Variants in TAF5 observed in about 807,000 individuals in gnomAD.
TAF5 encodes the protein TATA-box binding protein associated factor 5.
In TAF5, 20 loss-of-function variants were observed where a neutral mutation model predicts 80.9. The ratio of observed to expected loss-of-function variants is 0.25; its 90% CI spans 0.17 to 0.36. The LOEUF (loss-of-function observed/expected upper bound fraction) is 0.36. Ranked by LOEUF, TAF5 falls within the 10% of genes least tolerant of loss-of-function variation. The pLI is 1.00. For missense variants in TAF5, 863 were observed against 1,029.4 expected (o/e 0.84, Z 2.21); for synonymous variants, 388 against 406.4 (o/e 0.95, Z 0.55).
In TAF5 at chr10:103,368,512, T is replaced by G. The variant is rs1479132098; in HGVS notation, c.523T>G (p.Ser175Ala). ...GTGASGATVV[S>A]GSASGPAAPG... ...TGGCGCTTCGGGGGCCACGGTCGTCTCAGGTTCAGCCTCAGGTCCTGCGGC... is the reference window on the plus strand; with the variant it reads ...TGGCGCTTCGGGGGCCACGGTCGTCGCAGGTTCAGCCTCAGGTCCTGCGGC... Residue 175 changes from serine to alanine, a missense_variant, in exon 1 of 11, where the codon TCA becomes GCA. Coordinates refer to ENST00000369839, the MANE Select transcript of TAF5 (RefSeq NM_006951.5). 4 of 1,564,836 alleles carry G rather than the reference T, an allele frequency of 2.6e-6. No individual in the cohort carries two copies. The highest frequency in any genetic ancestry group is 3.4e-6 in the Non-Finnish European group (4 of 1,164,922).
chr10:103,373,583 C>A lies in TAF5; in HGVS notation c.785C>A (p.Ser262Ter). The part of the protein sequence containing the change: ...VYNQHENEAK[S>*]FFEKFHGDQE... Reference sequence around the variant, plus strand: ...AATCAACATGAGAATGAAGCAAAGTCATTCTTTGAGAAGTATGTAAATTTT... The same window carrying A: ...AATCAACATGAGAATGAAGCAAAGTAATTCTTTGAGAAGTATGTAAATTTT... The change falls in exon 2 of 11, where the codon TCA becomes TAA. Residue 262 changes from serine (S) to a stop codon, truncating the protein, a stop_gained. Transcript: ENST00000369839. LOFTEE classifies it high-confidence loss of function. 1.9e-6 allele frequency: 3 copies of A among 1,612,926 alleles called. No individual in the cohort carries two copies. The South Asian group carries it at 3.3e-5, about 18-fold the overall frequency.
chr10:103,378,132 T>C lies in TAF5; in HGVS notation c.798-103T>C. 1.1e-6 allele frequency: 1 copy of C among 946,432 alleles called. No homozygotes were observed. Among genetic ancestry groups the C allele is most frequent in the Non-Finnish European group, 1.6e-6 (1 of 632,456 alleles). The allele number at this position is 946,432 out of a possible 1,614,324, so 58.6% of individuals were successfully genotyped here. A position where few individuals can be genotyped will look rare whatever the true frequency, so the allele number is the denominator to read the frequency against. Reference sequence around the variant, plus strand: ...CAGCTTAGTTCAGGATTATTTAGACTACTACATTGAAAATATTCTGGGATG... The same window carrying C: ...CAGCTTAGTTCAGGATTATTTAGACCACTACATTGAAAATATTCTGGGATG... On this transcript the variant is annotated intron_variant, in intron 2 of 10. Coordinates refer to ENST00000369839, the MANE Select transcript of TAF5 (RefSeq NM_006951.5). The surrounding 1 kb of genome is among the most constrained non-coding windows in gnomAD (Gnocchi z 4.1).
At chr10:103,376,510 G>A (rs2093370381) in intron 2 of TAF5, among the ~76,000 whole-genome samples, 1 of 151,386 alleles carries the variant, frequency 6.6e-6, no homozygotes, top group South Asian at 2.1e-4. Context: ...TGCCATTATA[G>A]TAAATTCATT....
At chr10:103,381,141 GTT>G (rs2093381913) in intron 5 of TAF5, among the ~76,000 whole-genome samples, 1 of 151,396 alleles carries the variant, frequency 6.6e-6, no homozygotes, top group Non-Finnish European at 1.5e-5. Flanking sequence ...TAGAGAAGGG[GTT>G]TCACCAGGTT....
chr10:103,378,669 T>C lies in TAF5; in HGVS notation c.1113+119T>C, dbSNP rs545963788. 151 of 1,223,660 alleles carry C rather than the reference T, an allele frequency of 1.2e-4. 1 individual carries two copies. The African/African-American group carries it at 2.0e-3, about 16-fold the overall frequency. 75.8% of individuals were successfully genotyped at this position (1,223,660 alleles called of 1,614,324 possible). A position where few individuals can be genotyped will look rare whatever the true frequency, so the allele number is the denominator to read the frequency against. ...TTGGAAACAATTTTTTTCGTTTGTTTGTTTTGAGACGGAGTTTTGCTCTTG... is the reference window on the plus strand; with the variant it reads ...TTGGAAACAATTTTTTTCGTTTGTTCGTTTTGAGACGGAGTTTTGCTCTTG... On this transcript the variant is annotated intron_variant, in intron 3 of 10. Transcript: ENST00000369839. This position sits in a 1 kb window ranked among gnomAD's most constrained non-coding sequence, Gnocchi z 4.1.
At chr10:103,375,622 G>A (rs2093368652) in intron 2 of TAF5, among the ~76,000 whole-genome samples, 2 of 152,140 alleles carry the variant, frequency 1.3e-5, no homozygotes, top group African/African-American at 4.8e-5. Flanking sequence ...ATATGGATGA[G>A]GTTGACTAGG....
At chr10:103,371,381 AC>A (rs2093359231) in intron 1 of TAF5, among the ~76,000 whole-genome samples, 1 of 152,226 alleles carries the variant, frequency 6.6e-6, no homozygotes, top group African/African-American at 2.4e-5. Context: ...ATAGATCATA[AC>A]TGAGAAATCA....
intron 3 of TAF5, among the ~76,000 whole-genome samples, chr10:103,379,002 A>G (rs1419702405): frequency 1.3e-5 from 2 of 152,132 alleles, no homozygotes; most frequent in Non-Finnish European, 2.9e-5. Flanking sequence ...TTTGTGTTCT[A>G]AGGGTGATGT....
rs2093404141 is a variant in TAF5 at position 103,388,752 on chromosome 10, AGAG to A, written c.*532_*534del. The A allele has an allele frequency of 6.5e-6, 1 of 153,454 alleles. No individual in the cohort carries two copies. Among genetic ancestry groups the A allele is most frequent in the Non-Finnish European group, 1.5e-5 (1 of 68,700 alleles). 9.5% of individuals were successfully genotyped at this position (153,454 alleles called of 1,614,324 possible). On this transcript the variant is annotated 3_prime_UTR_variant, in exon 11 of 11. Transcript: ENST00000369839. ...TAGGTAGGGTTCCTTTCTTAGATCTAGAGGAAGTACAGCCACCCACTGACATCT... is the reference window on the plus strand; with the variant it reads ...TAGGTAGGGTTCCTTTCTTAGATCTAGAAGTACAGCCACCCACTGACATCT...
At chr10:103,382,517 C>T (rs1414504369) in intron 6 of TAF5, among the ~76,000 whole-genome samples, 4 of 152,080 alleles carry the variant, frequency 2.6e-5, no homozygotes, top group Non-Finnish European at 4.4e-5. Context: ...TCACTGCAAC[C>T]TCCACCTCCC....
At chr10:103,370,435 C>T (rs892200722) in intron 1 of TAF5, among the ~76,000 whole-genome samples, 1 of 148,182 alleles carries the variant, frequency 6.7e-6, no homozygotes, top group Non-Finnish European at 1.5e-5. Flanking sequence ...AAGCGATTCT[C>T]CTGCCTCAGC....
At chr10:103,369,328 A>G (rs1205988672) in intron 1 of TAF5, among the ~76,000 whole-genome samples, 1 of 143,656 alleles carries the variant, frequency 7.0e-6, no homozygotes, top group African/African-American at 2.6e-5. Flanking sequence ...TACCCCCTGA[A>G]TCTCAGCTAA....
intron 1 of TAF5, 150 bp downstream of exon 1, chr10:103,368,698 C>T (rs1224841419): frequency 1.8e-6 from 2 of 1,123,590 alleles, no homozygotes; most frequent in Non-Finnish European, 2.4e-6. Flanking sequence ...CTCTAGTGCG[C>T]GGGCTGCGCA....
intron 5 of TAF5, among the ~76,000 whole-genome samples, chr10:103,381,270 T>C (rs1203784728): frequency 1.3e-5 from 2 of 151,304 alleles, no homozygotes; most frequent in Non-Finnish European, 2.9e-5. Context: ...TTTATTTTAT[T>C]ATTATTTTTT....
chr10:103,369,788 CTT>C (rs1274925298), intron 1 of TAF5, among the ~76,000 whole-genome samples: 1 of 152,140 alleles, frequency 6.6e-6, no homozygotes, highest in African/African-American at 2.4e-5. Flanking sequence ...GGAATCTTCA[CTT>C]TTGAATAAGT....
At chr10:103,372,246 C>G (rs2093361183) in intron 1 of TAF5, among the ~76,000 whole-genome samples, 1 of 150,874 alleles carries the variant, frequency 6.6e-6, no homozygotes, top group Admixed American at 6.6e-5. Flanking sequence ...TTATTGTTAT[C>G]TTAAGATATG....
chr10:103,385,226 A>C (rs1184713212), intron 7 of TAF5, 100 bp from the exon 8 acceptor site: 4 of 887,604 alleles, frequency 4.5e-6, no homozygotes, highest in Non-Finnish European at 6.7e-6. Flanking sequence ...AATATAGTCA[A>C]ATATATATAA....
At chr10:103,384,547 C>T (rs761602481) in intron 7 of TAF5, among the ~76,000 whole-genome samples, 1 of 152,142 alleles carries the variant, frequency 6.6e-6, no homozygotes, top group Non-Finnish European at 1.5e-5. Flanking sequence ...AGGAAAGTCA[C>T]TTGAACATGG....
chr10:103,386,048 A>G (rs1209603621), intron 8 of TAF5, among the ~76,000 whole-genome samples: 2 of 151,914 alleles, frequency 1.3e-5, no homozygotes, highest in Admixed American at 1.3e-4. Flanking sequence ...CTCCCTCCCA[A>G]CCCCATCAGA....
Sources: allele counts gnomAD v4.1 joint callset (sites outside exome capture counted in the v4.1 genomes callset), GRCh38; gene constraint gnomAD v4.1.1; non-coding constraint Gnocchi (gnomAD v3.1); transcripts MANE v1.5; gene names NCBI Gene and HGNC (gene_info 2026-07-23, HGNC 2026-07-21).